GLCCI1: variants seen among roughly 807,000 people sequenced by gnomAD.
The protein encoded by GLCCI1 is glucocorticoid induced 1.
Under a neutral mutation model 52.2 loss-of-function variants are expected in GLCCI1, and 24 were observed. The ratio of observed to expected loss-of-function variants is 0.46; its 90% CI spans 0.33 to 0.65. GLCCI1 has a LOEUF of 0.65. GLCCI1 is among the 30% of genes least tolerant of loss of function. The probability of loss-of-function intolerance (pLI) is 0.02; values close to 1 mark genes in which losing one functional copy is unlikely to be tolerated. For synonymous variants in GLCCI1, 310 were observed against 276.5 expected (o/e 1.12, Z -1.20); for missense variants, 704 against 701.5 (o/e 1.00, Z -0.04).
intron 1 of GLCCI1, among the ~76,000 whole-genome samples, chr7:8,003,112 G>T (rs920785283): frequency 6.6e-6 from 1 of 152,114 alleles, no homozygotes; most frequent in South Asian, 2.1e-4. Context: ...ATTGAATGTT[G>T]GTTCCTATTT....
intron 3 of GLCCI1, among the ~76,000 whole-genome samples, chr7:8,045,955 C>T (rs1245328805): frequency 8.2e-6 from 1 of 121,642 alleles, no homozygotes; most frequent in African/African-American, 3.0e-5. Context: ...GAGTAAGAAC[C>T]ACAATTCCAA....
chr7:8,020,104 A>C (rs1299565754), intron 2 of GLCCI1, among the ~76,000 whole-genome samples: 1 of 152,216 alleles, frequency 6.6e-6, no homozygotes, highest in African/African-American at 2.4e-5. Flanking sequence ...TTAAAACACA[A>C]ACATATTTTA....
intron 1 of GLCCI1, among the ~76,000 whole-genome samples, chr7:7,989,905 A>T (rs549162633): frequency 6.6e-6 from 1 of 152,276 alleles, no homozygotes; most frequent in East Asian, 1.9e-4. Context: ...AGAGACAGAT[A>T]CAAGTGTGTG....
chr7:8,009,090 G>A (rs888063430), intron 2 of GLCCI1, among the ~76,000 whole-genome samples: 2 of 152,074 alleles, frequency 1.3e-5, no homozygotes, highest in African/African-American at 4.8e-5. Context: ...CATTTTTAAG[G>A]CCTCTGAAGA....
At chr7:7,982,047 A>G (rs1780633728) in intron 1 of GLCCI1, 2 of 461,904 alleles carry the variant, frequency 4.3e-6, no homozygotes, top group African/African-American at 2.0e-5. Context: ...GAGAAATGAA[A>G]GAGTAAAAAG....
chr7:8,034,521 G>T (rs1168437009), intron 3 of GLCCI1, among the ~76,000 whole-genome samples: 1 of 152,088 alleles, frequency 6.6e-6, no homozygotes, highest in Non-Finnish European at 1.5e-5. Flanking sequence ...AAATCAATAA[G>T]AAGATAAATA....
chr7:8,084,959 A>G lies in GLCCI1; in HGVS notation c.1240A>G (p.Met414Val), dbSNP rs1289595657. 2 of 1,614,162 alleles carry G rather than the reference A, an allele frequency of 1.2e-6. No individual in the cohort carries two copies. The highest frequency in any genetic ancestry group is 1.7e-5 in the Admixed American group (1 of 60,020). Residue 414 changes from methionine to valine, a missense_variant, in exon 7 of 8, where the codon ATG (methionine) becomes GTG (valine). Physicochemically the swap from Met to Val is conservative, Grantham distance 21. Transcript: ENST00000223145. The part of the protein sequence containing the change: ...ASSPKPNNSY[M>V]FKREPPEGCE... ...ATCTCCCAAACCAAACAACAGCTAC[A>G]TGTTCAAACGGGAGCCCCCAGAGGG...
At position 7,992,043 on chromosome 7, in the gene GLCCI1, T is replaced by TTTTCCTTCTTTC. The variant is rs1320172102; in HGVS notation, c.458-11861_458-11860insCTTCTTTCTTTC. 6.2e-5 allele frequency among the ~76,000 whole-genome samples: 8 copies of TTTTCCTTCTTTC among 128,820 alleles called. No homozygotes were observed. The East Asian group carries it at 1.8e-3, about 29-fold the overall frequency. The allele number at this position is 128,820 out of a possible 152,430, so 84.5% of individuals were successfully genotyped here. A position where few individuals can be genotyped will look rare whatever the true frequency, so the allele number is the denominator to read the frequency against. ...CGTTGGAGGAATATTAGAATTTATT[T>TTTTCCTTCTTTC]TTTCTTTCTTTCTTTCTTTCTTTCT... is the stretch of plus-strand genomic sequence containing the variant. On this transcript the variant is annotated intron_variant, in intron 1 of 7. Coordinates refer to ENST00000223145, the MANE Select transcript of GLCCI1 (RefSeq NM_138426.4).
chr7:7,985,074 G>A (rs1780695184), intron 1 of GLCCI1, among the ~76,000 whole-genome samples: 1 of 152,126 alleles, frequency 6.6e-6, no homozygotes, highest in African/African-American at 2.4e-5. Context: ...TCTTGTCACT[G>A]TCAGGGGGAC....
chr7:8,030,488 C>A (rs567904536), intron 3 of GLCCI1, among the ~76,000 whole-genome samples: 6 of 152,180 alleles, frequency 3.9e-5, no homozygotes, highest in African/African-American at 1.4e-4. Flanking sequence ...GCAAACATTT[C>A]TTGACTAATA....
In GLCCI1 at chr7:7,969,945, C is replaced by T. The variant is rs963474854; in HGVS notation, c.457+138C>T. ...AAGTGGCTTTGGGAATCTCACCCCC[C>T]TGCGGTCGCTGTGGGGCTTGGAGGA... On this transcript the variant is annotated intron_variant, in intron 1 of 7. Coordinates refer to ENST00000223145, the MANE Select transcript of GLCCI1 (RefSeq NM_138426.4). The surrounding 1 kb of genome is among the most constrained non-coding windows in gnomAD (Gnocchi z 4.9). 7 of 1,097,626 alleles carry T rather than the reference C, an allele frequency of 6.4e-6. No homozygotes were observed. In the African/African-American group the frequency reaches 8.5e-5, roughly 13 times the overall value. The allele number at this position is 1,097,626 out of a possible 1,614,324, so 68.0% of individuals were successfully genotyped here.
chr7:8,042,092 C>A (rs1220598960), intron 3 of GLCCI1, among the ~76,000 whole-genome samples: 2 of 152,134 alleles, frequency 1.3e-5, no homozygotes, highest in Non-Finnish European at 2.9e-5. Flanking sequence ...GGAAAAGATT[C>A]TTTTCAAAAT....
intron 2 of GLCCI1, among the ~76,000 whole-genome samples, chr7:8,010,469 C>T (rs1304480993): frequency 6.6e-6 from 1 of 152,128 alleles, no homozygotes; most frequent in Non-Finnish European, 1.5e-5. Flanking sequence ...GTCATAATAT[C>T]TTATAAAATC....
chr7:8,071,206 CT>C (rs144884879), intron 6 of GLCCI1, 75 bp downstream of exon 6: 31,216 of 818,784 alleles, frequency 0.038, 4 homozygotes, highest in East Asian at 0.047. Flanking sequence ...ACCATTACAT[CT>C]TTTTTTTTTT....
chr7:7,984,139 C>A lies in GLCCI1; in HGVS notation c.457+14332C>A, dbSNP rs147314544. Reference sequence around the variant, plus strand: ...GCAGTGGCGCAATCATGGCTCACTGCAGCCTCAGCTTCCTGGGCTCCAGCA... The same window carrying A: ...GCAGTGGCGCAATCATGGCTCACTGAAGCCTCAGCTTCCTGGGCTCCAGCA... On this transcript the variant is annotated intron_variant, in intron 1 of 7. Coordinates refer to ENST00000223145, the MANE Select transcript of GLCCI1 (RefSeq NM_138426.4). Among the ~76,000 whole-genome samples the A allele has an allele frequency of 6.6e-4, 100 of 152,296 alleles. 1 individual carries two copies. The East Asian group carries it at 0.019, about 29-fold the overall frequency.
chr7:8,079,421 T>G lies in GLCCI1; in HGVS notation c.1178-5476T>G, dbSNP rs996478391. ...ATACAAAATATTTTGTGCAATCCAA[T>G]TTATTTTGTTTAGTTTTACCATTAA... On this transcript the variant is annotated intron_variant, in intron 6 of 7. Transcript: ENST00000223145. Among the ~76,000 whole-genome samples the G allele has an allele frequency of 9.3e-5, 14 of 151,144 alleles. No homozygotes were observed. The East Asian group carries it at 2.7e-3, about 29-fold the overall frequency.
At chr7:8,085,476 G>A (rs914050542) in intron 7 of GLCCI1, among the ~76,000 whole-genome samples, 3 of 152,234 alleles carry the variant, frequency 2.0e-5, no homozygotes, top group Non-Finnish European at 4.4e-5. Context: ...ATTTTAATAT[G>A]TGTAAGTTAG....
intron 5 of GLCCI1, chr7:8,070,423 G>C (rs767402561): frequency 1.3e-5 from 2 of 152,632 alleles, no homozygotes; most frequent in Non-Finnish European, 2.9e-5. Context: ...AATTTGCAAA[G>C]GAAATAGAAA....
chr7:7,992,433 G>T (rs1173992607), intron 1 of GLCCI1, among the ~76,000 whole-genome samples: 1 of 151,928 alleles, frequency 6.6e-6, no homozygotes, highest in Non-Finnish European at 1.5e-5. Flanking sequence ...TTTCAGGAAA[G>T]ACTCATAGGA....
Sources: gnomAD v4.1 joint callset for allele counts (sites outside exome capture counted in the v4.1 genomes callset) on GRCh38, gnomAD v4.1.1 for gene constraint, Gnocchi (gnomAD v3.1) non-coding constraint, MANE v1.5 for transcripts, NCBI Gene and HGNC (gene_info 2026-07-23, HGNC 2026-07-21) for gene names.